Variants in GNA14 observed in about 807,000 individuals in gnomAD.
The protein encoded by GNA14 is G protein subunit alpha 14.
Under a neutral mutation model 42.0 loss-of-function variants are expected in GNA14, and 50 were observed. That is an observed-to-expected ratio of 1.19 (90% CI 0.95 to 1.51). The LOEUF (loss-of-function observed/expected upper bound fraction) is 1.51. GNA14 is among the 40% of genes most tolerant of loss of function. GNA14 has a pLI of 0.00. For missense variants in GNA14, 473 were observed against 446.2 expected (o/e 1.06, Z -0.54); for synonymous variants, 173 against 163.1 (o/e 1.06, Z -0.46).
intron 1 of GNA14, among the ~76,000 whole-genome samples, chr9:77,609,623 T>C (rs987799972): frequency 6.6e-6 from 1 of 152,194 alleles, no homozygotes; most frequent in Non-Finnish European, 1.5e-5. Context: ...TTTCCCACAG[T>C]TTGGAGGCTG....
chr9:77,564,114 G>A (rs1270330117), intron 1 of GNA14, among the ~76,000 whole-genome samples: 1 of 151,978 alleles, frequency 6.6e-6, no homozygotes, highest in Non-Finnish European at 1.5e-5. Context: ...ACCTTCCACC[G>A]GATCCTTATC....
intron 1 of GNA14, among the ~76,000 whole-genome samples, chr9:77,613,529 T>A (rs939070637): frequency 1.3e-5 from 2 of 152,208 alleles, no homozygotes; most frequent in Non-Finnish European, 2.9e-5. Flanking sequence ...ACAGCGTAGA[T>A]CTTAAGTGTG....
chr9:77,597,461 C>T (rs930624359), intron 1 of GNA14, among the ~76,000 whole-genome samples: 14 of 152,064 alleles, frequency 9.2e-5, no homozygotes, highest in Admixed American at 5.2e-4. Flanking sequence ...CAAAACCAGA[C>T]ACCATGCTCA....
chr9:77,484,810 A>G lies in GNA14; in HGVS notation c.309+44259T>C, dbSNP rs529488191. Among the ~76,000 whole-genome samples, 5 of 152,342 alleles carry G rather than the reference A, an allele frequency of 3.3e-5. No individual in the cohort carries two copies. In the East Asian group the frequency reaches 9.6e-4, roughly 29 times the overall value. The stretch of plus-strand genomic sequence containing the variant: ...CACACAAATTTTGGTTTCCTAGTAC[A>G]TACAAAAGTTAGGTTTATACTCTAT... On this transcript the variant is annotated intron_variant, in intron 2 of 6. Coordinates refer to ENST00000341700, the MANE Select transcript of GNA14 (RefSeq NM_004297.4).
At chr9:77,455,406 G>A (rs1037110344) in intron 2 of GNA14, among the ~76,000 whole-genome samples, 5 of 152,138 alleles carry the variant, frequency 3.3e-5, no homozygotes, top group Non-Finnish European at 7.4e-5. Flanking sequence ...CATTACATCG[G>A]GACTTCACTT....
At chr9:77,611,569 A>G (rs1404363586) in intron 1 of GNA14, among the ~76,000 whole-genome samples, 1 of 152,236 alleles carries the variant, frequency 6.6e-6, no homozygotes, top group Non-Finnish European at 1.5e-5. Context: ...TGAGATGCCC[A>G]TAAGGAATTA....
chr9:77,462,529 C>A (rs375048621), intron 2 of GNA14, among the ~76,000 whole-genome samples: 27 of 152,084 alleles, frequency 1.8e-4, no homozygotes, highest in African/African-American at 5.6e-4. Context: ...ACCAGCCTGG[C>A]CAAACTGGTG....
chr9:77,429,086 C>T (rs371344148), intron 4 of GNA14, 50 bp from the exon 5 acceptor site: 40 of 1,586,688 alleles, frequency 2.5e-5, no homozygotes, highest in African/African-American at 1.3e-4. Context: ...CATGACACTT[C>T]GGGGAAAAAG....
At chr9:77,567,389 C>T (rs1822983182) in intron 1 of GNA14, among the ~76,000 whole-genome samples, 1 of 152,170 alleles carries the variant, frequency 6.6e-6, no homozygotes, top group African/African-American at 2.4e-5. Context: ...CTGCTGTGAA[C>T]TTCCAATAAA....
intron 2 of GNA14, among the ~76,000 whole-genome samples, chr9:77,459,042 G>A (rs1836059562): frequency 6.6e-6 from 1 of 152,018 alleles, no homozygotes; most frequent in African/African-American, 2.4e-5. Context: ...GCAACAATGA[G>A]AATGTACTTA....
chr9:77,616,886 T>C (rs1823828694), intron 1 of GNA14, among the ~76,000 whole-genome samples: 1 of 151,982 alleles, frequency 6.6e-6, no homozygotes, highest in South Asian at 2.1e-4. Context: ...TTTTTTATTT[T>C]TGAGGCAGAG....
intron 1 of GNA14, among the ~76,000 whole-genome samples, chr9:77,554,822 A>G (rs1822737525): frequency 6.6e-6 from 1 of 152,294 alleles, no homozygotes; most frequent in Admixed American, 6.5e-5. Context: ...ACAATTAAAG[A>G]CAAAATCCTG....
At chr9:77,472,082 C>T (rs1473216794) in intron 2 of GNA14, among the ~76,000 whole-genome samples, 1 of 152,126 alleles carries the variant, frequency 6.6e-6, no homozygotes. Flanking sequence ...TCTGGCAGTG[C>T]TTGTCCAAGT....
chr9:77,425,522 G>A (rs747372543), intron 6 of GNA14, 40 bp downstream of exon 6: 1 of 1,516,118 alleles, frequency 6.6e-7, no homozygotes, highest in Non-Finnish European at 9.0e-7. Flanking sequence ...AGGTGGACGA[G>A]ATCAGCACAG....
chr9:77,632,318 C>T (rs538397887), intron 1 of GNA14, among the ~76,000 whole-genome samples: 2 of 152,288 alleles, frequency 1.3e-5, no homozygotes, highest in Non-Finnish European at 2.9e-5. Flanking sequence ...AGACAGGCTC[C>T]TGGACAGGAG....
At chr9:77,525,870 C>G (rs1837426868) in intron 2 of GNA14, among the ~76,000 whole-genome samples, 1 of 149,278 alleles carries the variant, frequency 6.7e-6, no homozygotes, top group Admixed American at 6.7e-5. Flanking sequence ...CAGAATCTCA[C>G]CCATACCTAA....
At chr9:77,644,584 C>T (rs747639460) in intron 1 of GNA14, among the ~76,000 whole-genome samples, 23 of 152,124 alleles carry the variant, frequency 1.5e-4, no homozygotes, top group Non-Finnish European at 2.8e-4. Context: ...CAACACCTTG[C>T]TCTTGGACTT....
chr9:77,592,157 C>T (rs1202146880), intron 1 of GNA14, among the ~76,000 whole-genome samples: 1 of 152,168 alleles, frequency 6.6e-6, no homozygotes, highest in African/African-American at 2.4e-5. Flanking sequence ...CCGCCTCAGC[C>T]TCCCAAAGTT....
At chr9:77,506,056 G>A (rs1837062932) in intron 2 of GNA14, among the ~76,000 whole-genome samples, 1 of 151,642 alleles carries the variant, frequency 6.6e-6, no homozygotes, top group South Asian at 2.1e-4. Flanking sequence ...TTGAGGCCAG[G>A]AGTTCAAGAT....
Sources: allele counts gnomAD v4.1 joint callset (sites outside exome capture counted in the v4.1 genomes callset), GRCh38; gene constraint gnomAD v4.1.1; transcripts MANE v1.5; gene names NCBI Gene and HGNC (gene_info 2026-07-23, HGNC 2026-07-21).